The following WWOX variants were observed in gnomAD, a reference collection of about 807,000 sequenced individuals.
The protein encoded by WWOX is WW domain containing oxidoreductase.
In WWOX, 69 loss-of-function variants were observed where a neutral mutation model predicts 46.2. That is an observed-to-expected ratio of 1.49 (90% CI 1.23 to 1.82). WWOX has a LOEUF of 1.82. Among genes scored for constraint, WWOX ranks in the 40% most tolerant of loss-of-function variants. The probability of loss-of-function intolerance (pLI) is 0.00; values close to 1 mark genes in which losing one functional copy is unlikely to be tolerated. For synonymous variants in WWOX, 359 were observed against 202.6 expected, an observed-to-expected ratio of 1.77 and a Z score of -6.56; for missense variants, 919 against 542.6, an observed-to-expected ratio of 1.69 and a Z score of -6.89.
At chr16:78,630,586 G>A (rs1289713536) in intron 8 of WWOX, among the ~76,000 whole-genome samples, 3 of 152,136 alleles carry the variant, frequency 2.0e-5, no homozygotes, top group African/African-American at 7.2e-5. Context: ...CATCCTGTGT[G>A]ACCCCACTGG....
chr16:78,269,239 A>G (rs1270909014), intron 5 of WWOX: 1 of 152,234 alleles, frequency 6.6e-6, no homozygotes, highest in African/African-American at 2.4e-5. Context: ...TAGATATGTC[A>G]GACGTGACTT....
intron 8 of WWOX, among the ~76,000 whole-genome samples, chr16:78,907,967 C>T (rs1303034004): frequency 1.3e-5 from 2 of 152,164 alleles, no homozygotes; most frequent in African/African-American, 2.4e-5. Context: ...GGGATCAGTG[C>T]ACAGCTTTGC....
chr16:79,063,474 A>C (rs1229341126), intron 8 of WWOX, among the ~76,000 whole-genome samples: 1 of 152,252 alleles, frequency 6.6e-6, no homozygotes, highest in Non-Finnish European at 1.5e-5. Context: ...GGGACAAAAT[A>C]ACTACAAAAC....
Position 78,424,929 on chromosome 16 carries a change from A to G in WWOX, c.665A>G (p.Lys222Arg). 6.2e-7 allele frequency: 1 copy of G among 1,614,186 alleles called. No homozygotes were observed. Among genetic ancestry groups the G allele is most frequent in the South Asian group, 1.1e-5 (1 of 91,076 alleles). ...ATFALPWSLT[K>R]DGLETTFQVN... ...TTTGCTCTACCCTGGAGTCTCACCA[A>G]AGATGGCCTGGAGACCACCTTTCAA... The change falls in exon 7 of 9, where the codon AAA (lysine) becomes AGA (arginine). Residue 222 changes from lysine to arginine, a missense_variant. Physicochemically the swap from Lys to Arg is conservative, Grantham distance 26. Transcript: ENST00000566780.
intron 8 of WWOX, among the ~76,000 whole-genome samples, chr16:78,844,508 C>G (rs79974905): frequency 1.3e-5 from 2 of 151,884 alleles, no homozygotes; most frequent in African/African-American, 2.4e-5. Flanking sequence ...GAAAACATCC[C>G]GAGCCCGAAC....
intron 8 of WWOX, chr16:79,110,765 G>A (rs1049470998): frequency 6.6e-6 from 1 of 152,332 alleles, no homozygotes; most frequent in African/African-American, 2.4e-5. Flanking sequence ...TGGAGCAGGA[G>A]TTTCTGGAGT....
intron 8 of WWOX, among the ~76,000 whole-genome samples, chr16:78,792,646 A>G (rs533326328): frequency 1.2e-4 from 18 of 152,220 alleles, no homozygotes; most frequent in Non-Finnish European, 2.2e-4. Context: ...TATTTTAGTA[A>G]GGAAAGAGGA....
intron 8 of WWOX, among the ~76,000 whole-genome samples, chr16:79,084,704 C>T (rs981319388): frequency 1.3e-5 from 2 of 152,114 alleles, no homozygotes; most frequent in African/African-American, 2.4e-5. Flanking sequence ...TGAGCCACCG[C>T]ACCTGGAGGA....
At chr16:78,548,168 A>C (rs1322516148) in intron 8 of WWOX, among the ~76,000 whole-genome samples, 9 of 71,588 alleles carry the variant, frequency 1.3e-4, no homozygotes, top group Non-Finnish European at 3.3e-4. Flanking sequence ...AAAAAAAAAA[A>C]AAAAAAAAAA....
intron 8 of WWOX, among the ~76,000 whole-genome samples, chr16:79,113,612 G>C (rs369343720): frequency 8.5e-5 from 13 of 152,256 alleles, no homozygotes; most frequent in African/African-American, 2.4e-4. Flanking sequence ...AAGGTCCCCA[G>C]CATAGCAGTT....
intron 2 of WWOX, 71 bp from the exon 3 acceptor site, chr16:78,109,707 T>A: frequency 6.4e-7 from 1 of 1,560,614 alleles, no homozygotes; most frequent in Non-Finnish European, 8.8e-7. Flanking sequence ...GGAGGGCTCC[T>A]TCCCTTCCTG....
At chr16:79,102,995 T>A (rs1432386597) in intron 8 of WWOX, among the ~76,000 whole-genome samples, 1 of 152,154 alleles carries the variant, frequency 6.6e-6, no homozygotes, top group Admixed American at 6.5e-5. Context: ...CTCTTCTCCT[T>A]TCTCCTCATC....
chr16:78,285,983 A>G (rs956797512), intron 5 of WWOX, among the ~76,000 whole-genome samples: 4 of 152,206 alleles, frequency 2.6e-5, no homozygotes, highest in Non-Finnish European at 4.4e-5. Flanking sequence ...TAGAACTCAC[A>G]GCACCGTCTC....
intron 8 of WWOX, among the ~76,000 whole-genome samples, chr16:78,445,850 C>A (rs1279446165): frequency 1.3e-5 from 2 of 149,502 alleles, no homozygotes; most frequent in Non-Finnish European, 3.0e-5. Context: ...TGTACTCCAG[C>A]CTGGGTGATG....
chr16:79,067,365 C>A (rs182724633), intron 8 of WWOX, among the ~76,000 whole-genome samples: 1 of 152,136 alleles, frequency 6.6e-6, no homozygotes, highest in African/African-American at 2.4e-5. Flanking sequence ...TGCTCTCGCT[C>A]TCTCTCTTTC....
chr16:78,924,678 G>C (rs1426479249), intron 8 of WWOX, among the ~76,000 whole-genome samples: 1 of 152,154 alleles, frequency 6.6e-6, no homozygotes, highest in Non-Finnish European at 1.5e-5. Context: ...TTATTAGTTG[G>C]CTTCTGTGTG....
chr16:78,136,240 C>T (rs967713381), intron 4 of WWOX, among the ~76,000 whole-genome samples: 7 of 152,156 alleles, frequency 4.6e-5, no homozygotes, highest in African/African-American at 1.7e-4. Context: ...GAATCTTCTA[C>T]AAAGCAAGGG....
intron 8 of WWOX, among the ~76,000 whole-genome samples, chr16:78,545,843 GT>G (rs1283451608): frequency 6.6e-6 from 1 of 152,122 alleles, no homozygotes; most frequent in African/African-American, 2.4e-5. Flanking sequence ...CCTTCCGTCT[GT>G]TTCTTGGTGC....
rs201270444 is a variant in WWOX at position 78,796,819 on chromosome 16, ATCT to A, written c.1056+364075_1056+364077del. On this transcript the variant is annotated intron_variant, in intron 8 of 8. Transcript: ENST00000566780. ...AGAACCTTTGATCCCATGTTTCTTT[ATCT>A]TCTTCTTTTTTTTTTTTTTTTTAGC... is the stretch of plus-strand genomic sequence containing the variant. Among the ~76,000 whole-genome samples the A allele has an allele frequency of 9.5e-3, 1,358 of 143,556 alleles. 10 individuals are homozygous for A. Among genetic ancestry groups the A allele is most frequent in the South Asian group, 0.019 (83 of 4,482 alleles). 94.2% of individuals were successfully genotyped at this position (143,556 alleles called of 152,430 possible).
Sources: allele counts gnomAD v4.1 joint callset (sites outside exome capture counted in the v4.1 genomes callset), GRCh38; gene constraint gnomAD v4.1.1; transcripts MANE v1.5; gene names NCBI Gene and HGNC (gene_info 2026-07-23, HGNC 2026-07-21).